CSMD2: variants seen among roughly 807,000 people sequenced by gnomAD.
The protein encoded by CSMD2 is CUB and sushi domain-containing protein 2.
CSMD2 carries 130 observed loss-of-function variants against 398.5 expected under a neutral mutation model. That is an observed-to-expected ratio of 0.33 (90% confidence interval 0.28 to 0.38). The LOEUF (loss-of-function observed/expected upper bound fraction) is 0.38. Among genes scored for constraint, CSMD2 ranks in the 10% least tolerant of loss-of-function variants. The pLI, the probability that CSMD2 is intolerant of heterozygous loss-of-function variation, is 1.00. For synonymous variants in CSMD2, 1,828 were observed against 1,908.5 expected, an observed-to-expected ratio of 0.96 and a Z score of 1.10; for missense variants, 3,829 against 4,764.9, an observed-to-expected ratio of 0.80 and a Z score of 5.78.
intron 44 of CSMD2, chr1:33,592,231 C>A (rs1639507989): frequency 1.6e-6 from 1 of 619,794 alleles, no homozygotes. Flanking sequence ...TCTTTCTGCA[C>A]ATAGGATTGT....
intron 64 of CSMD2, among the ~76,000 whole-genome samples, chr1:33,529,649 C>T (rs1322377580): frequency 1.3e-5 from 2 of 152,132 alleles, no homozygotes; most frequent in Non-Finnish European, 2.9e-5. Context: ...GGATCAAAGA[C>T]ATAAATCTAA....
intron 3 of CSMD2, among the ~76,000 whole-genome samples, chr1:33,938,284 C>G (rs530227270): frequency 5.3e-4 from 80 of 152,232 alleles, no homozygotes; most frequent in African/African-American, 1.8e-3. Context: ...TGATCCTGTG[C>G]TGCTGGCTTA....
At chr1:33,751,063 G>A (rs1648167708) in intron 13 of CSMD2, among the ~76,000 whole-genome samples, 2 of 152,024 alleles carry the variant, frequency 1.3e-5, no homozygotes, top group African/African-American at 4.8e-5. Flanking sequence ...TTGACAGAAA[G>A]ATGTACACTC....
At chr1:33,667,502 C>T (rs915240320) in intron 25 of CSMD2, among the ~76,000 whole-genome samples, 2 of 152,144 alleles carry the variant, frequency 1.3e-5, no homozygotes, top group Non-Finnish European at 2.9e-5. Context: ...TAATACTAAT[C>T]CAGGTCAGAC....
At chr1:34,139,570 T>C (rs933002837) in intron 1 of CSMD2, among the ~76,000 whole-genome samples, 4 of 152,262 alleles carry the variant, frequency 2.6e-5, no homozygotes, top group Non-Finnish European at 5.9e-5. Context: ...GTGGTAATTA[T>C]GTTATAAGCT....
intron 25 of CSMD2, among the ~76,000 whole-genome samples, chr1:33,667,761 G>A (rs1644362408): frequency 6.6e-6 from 1 of 152,178 alleles, no homozygotes; most frequent in African/African-American, 2.4e-5. Context: ...GGAGGAGAAG[G>A]CGGGGTTCTC....
chr1:34,028,900 G>T (rs974304979), intron 3 of CSMD2, among the ~76,000 whole-genome samples: 3 of 152,096 alleles, frequency 2.0e-5, no homozygotes, highest in Admixed American at 6.5e-5. Flanking sequence ...TTTTCCTTGC[G>T]GCGGCAGCAG....
At position 33,624,959 on chromosome 1, in the gene CSMD2, G is replaced by A. The variant is rs1253752807; in HGVS notation, c.5500+92C>T. ...CGGTGGGAAGCGGCTGCTGTGTGTC[G>A]TGGGGCATCACTGGGGCTGACTGCC... On this transcript the variant is annotated intron_variant, in intron 34 of 70. Transcript: ENST00000373381. This position sits in a 1 kb window ranked among gnomAD's most constrained non-coding sequence, Gnocchi z 4.7. 3 of 1,298,928 alleles carry A rather than the reference G, an allele frequency of 2.3e-6. No homozygotes were observed. The highest frequency in any genetic ancestry group is 2.4e-5 in the East Asian group (1 of 42,512). The allele number at this position is 1,298,928 out of a possible 1,614,324, so 80.5% of individuals were successfully genotyped here. A position where few individuals can be genotyped will look rare whatever the true frequency, so the allele number is the denominator to read the frequency against.
chr1:33,944,828 G>C (rs937329866), intron 3 of CSMD2, among the ~76,000 whole-genome samples: 1 of 152,126 alleles, frequency 6.6e-6, no homozygotes, highest in African/African-American at 2.4e-5. Context: ...CAAGCTGCTT[G>C]ATCTAAGGGC....
Position 33,540,673 on chromosome 1 carries a change from G to A in CSMD2, c.9483C>T (p.Leu3161=). 6.2e-7 allele frequency: 1 copy of A among 1,614,208 alleles called. No homozygotes were observed. Among genetic ancestry groups the A allele is most frequent in the African/African-American group, 1.3e-5 (1 of 75,062 alleles). ...ACCCCACCACCTTCCCATTGGGGAT[G>A]AGCGGAGGTGGCTTGCACATGAGAG... ...CKALMCKPPP[L]IPNGKVVGSD... Residue 3161 remains leucine, a synonymous_variant, in exon 60 of 71, where the codon CTC becomes CTT. Coordinates refer to ENST00000373381, the MANE Select transcript of CSMD2 (RefSeq NM_001281956.2).
intron 57 of CSMD2, among the ~76,000 whole-genome samples, chr1:33,544,829 A>ATT (rs1275049542): frequency 3.4e-5 from 4 of 118,210 alleles, no homozygotes; most frequent in Non-Finnish European, 7.1e-5. Flanking sequence ...ACCACTGTGC[A>ATT]TTTATATATA....
At chr1:34,053,234 T>C (rs1480218938) in intron 2 of CSMD2, among the ~76,000 whole-genome samples, 1 of 152,206 alleles carries the variant, frequency 6.6e-6, no homozygotes, top group Non-Finnish European at 1.5e-5. Context: ...CAGTCTCATA[T>C]TCATTCTCTT....
chr1:33,833,293 C>A (rs1461256531), intron 6 of CSMD2, among the ~76,000 whole-genome samples: 2 of 104,754 alleles, frequency 1.9e-5, no homozygotes, highest in East Asian at 3.2e-4. Context: ...CATCAAAAAG[C>A]TTATCCACCA....
At chr1:33,911,246 G>A (rs372101214) in intron 5 of CSMD2, among the ~76,000 whole-genome samples, 10 of 152,172 alleles carry the variant, frequency 6.6e-5, no homozygotes, top group Admixed American at 6.5e-5. Flanking sequence ...ACATGAATGA[G>A]CTAAACCAAT....
chr1:33,827,182 A>G (rs1195059358), intron 6 of CSMD2, among the ~76,000 whole-genome samples: 2 of 152,196 alleles, frequency 1.3e-5, no homozygotes, highest in Non-Finnish European at 1.5e-5. Flanking sequence ...CAAGAACCAG[A>G]GGGATCCTAT....
chr1:33,603,901 C>T (rs1449400695), intron 42 of CSMD2, among the ~76,000 whole-genome samples: 2 of 152,222 alleles, frequency 1.3e-5, no homozygotes, highest in Non-Finnish European at 2.9e-5. Flanking sequence ...GGCAAGAAAA[C>T]ATGGCACATT....
chr1:33,804,858 C>T (rs147296740), intron 10 of CSMD2: 7 of 717,328 alleles, frequency 9.8e-6, no homozygotes, highest in South Asian at 8.9e-5. Context: ...CACACTTAGA[C>T]CCTCCTTGTT....
chr1:33,542,016 T>A (rs1656392524), intron 58 of CSMD2, among the ~76,000 whole-genome samples: 2 of 152,142 alleles, frequency 1.3e-5, no homozygotes, highest in Admixed American at 1.3e-4. Flanking sequence ...ATCATATCAT[T>A]GAGGGTGGGG....
In CSMD2 at chr1:33,602,536, G is replaced by T; in HGVS notation, c.6543C>A (p.Gly2181=). Residue 2181 remains glycine, a synonymous_variant, in exon 43 of 71, where the codon GGC becomes GGA. Coordinates refer to ENST00000373381, the MANE Select transcript of CSMD2 (RefSeq NM_001281956.2). ...HPLPKCEVPC[G]GNITSSNGTV... Reference sequence around the variant, plus strand: ...TGCCGTTGGAAGAAGTGATGTTCCCGCCACAAGGGACTGCCAGGGAGGGAA... The same window carrying T: ...TGCCGTTGGAAGAAGTGATGTTCCCTCCACAAGGGACTGCCAGGGAGGGAA... 6.3e-7 allele frequency: 1 copy of T among 1,599,148 alleles called. No homozygotes were observed. The highest frequency in any genetic ancestry group is 8.5e-7 in the Non-Finnish European group (1 of 1,172,254).
Sources: allele counts gnomAD v4.1 joint callset (sites outside exome capture counted in the v4.1 genomes callset), GRCh38; gene constraint gnomAD v4.1.1; non-coding constraint Gnocchi (gnomAD v3.1); transcripts MANE v1.5; gene names NCBI Gene and HGNC (gene_info 2026-07-23, HGNC 2026-07-21).